TSHZ1: variants seen among roughly 807,000 people sequenced by gnomAD.
TSHZ1 encodes the protein teashirt homolog 1.
TSHZ1 carries 12 observed loss-of-function variants against 67.1 expected under a neutral mutation model. That is an observed-to-expected ratio of 0.18 (90% CI 0.11 to 0.29). The LOEUF (loss-of-function observed/expected upper bound fraction) is 0.29. Among genes scored for constraint, TSHZ1 ranks in the 10% least tolerant of loss-of-function variants. The pLI, the probability that TSHZ1 is intolerant of heterozygous loss-of-function variation, is 1.00. For synonymous variants in TSHZ1, 632 were observed against 622.4 expected (o/e 1.02, Z -0.23); for missense variants, 1,305 against 1,413.9 (o/e 0.92, Z 1.23).
intron 1 of TSHZ1, among the ~76,000 whole-genome samples, chr18:75,212,308 T>G (rs1430236545): frequency 6.6e-6 from 1 of 152,114 alleles, no homozygotes; most frequent in African/African-American, 2.4e-5. Flanking sequence ...ACCTGACACT[T>G]GAAAACAAGG....
intron 1 of TSHZ1, among the ~76,000 whole-genome samples, chr18:75,249,336 C>T (rs1300864926): frequency 3.3e-5 from 5 of 152,128 alleles, no homozygotes; most frequent in Non-Finnish European, 7.4e-5. Flanking sequence ...CTCTGCATCG[C>T]TCTCACCCCT....
intron 1 of TSHZ1, among the ~76,000 whole-genome samples, chr18:75,229,443 G>GTCTC (rs2022968748): frequency 6.6e-6 from 1 of 152,246 alleles, no homozygotes; most frequent in African/African-American, 2.4e-5. Flanking sequence ...CGGAGCACCT[G>GTCTC]TCTCTGTCTA....
intron 1 of TSHZ1, among the ~76,000 whole-genome samples, chr18:75,278,508 G>T (rs2023642888): frequency 6.6e-6 from 1 of 152,192 alleles, no homozygotes; most frequent in African/African-American, 2.4e-5. Flanking sequence ...CCTTCTGAGT[G>T]ATTCTGGCCC....
chr18:75,245,890 GT>G (rs1215987911), intron 1 of TSHZ1, among the ~76,000 whole-genome samples: 1 of 152,158 alleles, frequency 6.6e-6, no homozygotes, highest in East Asian at 1.9e-4. Flanking sequence ...AAAAAGTTGT[GT>G]TTTCTTGTAC....
chr18:75,258,003 A>T (rs2023382833), intron 1 of TSHZ1, among the ~76,000 whole-genome samples: 1 of 152,218 alleles, frequency 6.6e-6, no homozygotes, highest in Non-Finnish European at 1.5e-5. Context: ...GAGCGGGAAG[A>T]GAGGAATTCC....
Position 75,288,626 on chromosome 18 carries a change from G to C in TSHZ1, c.3219G>C (p.Glu1073Asp). 1.3e-6 allele frequency: 2 copies of C among 1,595,450 alleles called. No homozygotes were observed. The highest frequency in any genetic ancestry group is 1.7e-6 in the Non-Finnish European group (2 of 1,171,476). ...SPEDHLIYVT[E>D]LEKQ The stretch of plus-strand genomic sequence containing the variant: ...AGGACCACCTGATCTATGTGACTGA[G>C]TTGGAGAAACAGTAGCGTCCAGGTA... Residue 1073 changes from glutamate (E) to aspartate (D), a missense_variant, in exon 2 of 2, where the codon GAG (glutamate) becomes GAC (aspartate). Glu to Asp is a conservative substitution (Grantham distance 45, BLOSUM62 2). Coordinates refer to ENST00000580243, the MANE Select transcript of TSHZ1 (RefSeq NM_001308210.2). This position sits in a 1 kb window ranked among gnomAD's most constrained non-coding sequence, Gnocchi z 4.9.
intron 1 of TSHZ1, among the ~76,000 whole-genome samples, chr18:75,216,945 G>T (rs2022777065): frequency 1.3e-5 from 2 of 152,244 alleles, no homozygotes; most frequent in African/African-American, 4.8e-5. Flanking sequence ...ACTCACCGAG[G>T]AGGAGGGCCA....
At chr18:75,230,009 G>A (rs1030015150) in intron 1 of TSHZ1, among the ~76,000 whole-genome samples, 15 of 152,180 alleles carry the variant, frequency 9.9e-5, no homozygotes, top group African/African-American at 3.1e-4. Flanking sequence ...CAAATACCAA[G>A]ACATCCTCTC....
intron 1 of TSHZ1, among the ~76,000 whole-genome samples, chr18:75,228,031 G>C (rs1251610889): frequency 6.6e-6 from 1 of 152,192 alleles, no homozygotes; most frequent in African/African-American, 2.4e-5. Context: ...CATTTATCAT[G>C]GTGAATATTA....
chr18:75,279,424 C>G (rs1568367480), intron 1 of TSHZ1, among the ~76,000 whole-genome samples: 4 of 152,190 alleles, frequency 2.6e-5, no homozygotes. Context: ...CAGCAGTGAG[C>G]AAACCCCATC....
At chr18:75,218,207 G>A (rs1267126596) in intron 1 of TSHZ1, among the ~76,000 whole-genome samples, 1 of 152,208 alleles carries the variant, frequency 6.6e-6, no homozygotes, top group Non-Finnish European at 1.5e-5. Context: ...TGAACAGGGC[G>A]AGGGACAAAT....
At chr18:75,225,212 G>A (rs997065532) in intron 1 of TSHZ1, among the ~76,000 whole-genome samples, 10 of 152,172 alleles carry the variant, frequency 6.6e-5, no homozygotes, top group African/African-American at 2.4e-4. Flanking sequence ...GGGCGCACAG[G>A]CCTCTAGGAA....
chr18:75,223,643 T>A (rs993932280), intron 1 of TSHZ1, among the ~76,000 whole-genome samples: 15 of 149,058 alleles, frequency 1.0e-4, no homozygotes, highest in Non-Finnish European at 1.8e-4. Flanking sequence ...AAAAAAATTG[T>A]CCCCCACTCC....
intron 1 of TSHZ1, among the ~76,000 whole-genome samples, chr18:75,266,957 G>C (rs2023497095): frequency 6.6e-6 from 1 of 152,204 alleles, no homozygotes; most frequent in Non-Finnish European, 1.5e-5. Context: ...TGTGTGCTTA[G>C]AAATGACTTG....
At chr18:75,254,986 T>G (rs531951111) in intron 1 of TSHZ1, among the ~76,000 whole-genome samples, 1 of 152,374 alleles carries the variant, frequency 6.6e-6, no homozygotes, top group African/African-American at 2.4e-5. Flanking sequence ...TACTTCATGA[T>G]ATACTTTCAA....
chr18:75,247,551 CT>C (rs200630036), intron 1 of TSHZ1, among the ~76,000 whole-genome samples: 1,807 of 152,322 alleles, frequency 0.012, 15 homozygotes, highest in Non-Finnish European at 0.018. Flanking sequence ...TGAAATTTCA[CT>C]TTGGAAAACA....
At position 75,242,394 on chromosome 18, in the gene TSHZ1, C is replaced by G. The variant is rs1465218508; in HGVS notation, c.40+30478C>G. Among the ~76,000 whole-genome samples the G allele has an allele frequency of 2.0e-5, 3 of 152,308 alleles. No homozygotes were observed. The East Asian group carries it at 5.8e-4, about 29-fold the overall frequency. ...CTCAGCAGCTGCAAGGAACCTATCA[C>G]TTTACCAGGTGGGGAGGGTGGCACA... On this transcript the variant is annotated intron_variant, in intron 1 of 1. Coordinates refer to ENST00000580243, the MANE Select transcript of TSHZ1 (RefSeq NM_001308210.2).
At chr18:75,261,820 G>C (rs569640330) in intron 1 of TSHZ1, among the ~76,000 whole-genome samples, 2 of 152,196 alleles carry the variant, frequency 1.3e-5, no homozygotes, top group Non-Finnish European at 2.9e-5. Flanking sequence ...GGGGGTGCGT[G>C]TTAATTTCCA....
chr18:75,265,372 A>G (rs1400531188), intron 1 of TSHZ1, among the ~76,000 whole-genome samples: 1 of 152,218 alleles, frequency 6.6e-6, no homozygotes, highest in Non-Finnish European at 1.5e-5. Flanking sequence ...TGAAGCTAAC[A>G]TGAAATGCGA....
Sources: allele counts gnomAD v4.1 joint callset (sites outside exome capture counted in the v4.1 genomes callset), GRCh38; gene constraint gnomAD v4.1.1; non-coding constraint Gnocchi (gnomAD v3.1); transcripts MANE v1.5; gene names NCBI Gene and HGNC (gene_info 2026-07-23, HGNC 2026-07-21).